MMP16: variants seen among roughly 807,000 people sequenced by gnomAD.
MMP16 encodes matrix metalloproteinase-16.
MMP16 carries 12 observed loss-of-function variants against 67.8 expected under a neutral mutation model. The observed-to-expected ratio is 0.18, with a 90% CI of 0.11 to 0.29. The LOEUF is 0.29. Ranked by LOEUF, MMP16 falls within the 10% of genes least tolerant of loss-of-function variation. MMP16 has a pLI of 1.00. For synonymous variants in MMP16, 249 were observed against 255.9 expected (o/e 0.97, Z 0.26); for missense variants, 475 against 765.7 (o/e 0.62, Z 4.48).
chr8:88,154,538 T>TAAA (rs1228904960), intron 4 of MMP16, among the ~76,000 whole-genome samples: 1 of 151,520 alleles, frequency 6.6e-6, no homozygotes, highest in African/African-American at 2.4e-5. Context: ...TATGCAGCCA[T>TAAA]AAAAAATGAT....
chr8:88,161,911 T>C (rs977713011), intron 4 of MMP16, among the ~76,000 whole-genome samples: 4 of 152,132 alleles, frequency 2.6e-5, no homozygotes, highest in African/African-American at 7.2e-5. Context: ...TGCGCTGTGG[T>C]CTGAGAGACA....
At chr8:88,116,779 T>C (rs533729609) in intron 5 of MMP16, 61 bp from the exon 6 acceptor site, 3 of 1,421,662 alleles carry the variant, frequency 2.1e-6, no homozygotes, top group South Asian at 2.4e-5. Context: ...CTGGAAAATA[T>C]GCTACAGAGA....
chr8:88,260,454 A>G (rs577469355), intron 1 of MMP16, among the ~76,000 whole-genome samples: 2 of 152,208 alleles, frequency 1.3e-5, no homozygotes, highest in African/African-American at 4.8e-5. Context: ...TCAATTATTG[A>G]AACTCTCTGA....
At chr8:88,310,770 C>G (rs1307112055) in intron 1 of MMP16, among the ~76,000 whole-genome samples, 2 of 151,984 alleles carry the variant, frequency 1.3e-5, no homozygotes, top group Non-Finnish European at 1.5e-5. Flanking sequence ...CGCCCATATG[C>G]CCCCAGGCAA....
chr8:88,154,952 T>G (rs967949125), intron 4 of MMP16, among the ~76,000 whole-genome samples: 1 of 152,072 alleles, frequency 6.6e-6, no homozygotes, highest in Non-Finnish European at 1.5e-5. Context: ...TATGGCAGTA[T>G]AGATCATTAA....
chr8:88,319,551 T>C (rs775523530), intron 1 of MMP16, among the ~76,000 whole-genome samples: 1 of 152,036 alleles, frequency 6.6e-6, no homozygotes, highest in Non-Finnish European at 1.5e-5. Context: ...TTCTAATTAT[T>C]ATAAACAATG....
rs1210339479 is a variant in MMP16, at chr8:88,327,210, G to C, written c.-4C>G. 1 of 1,613,842 alleles carries C rather than the reference G, an allele frequency of 6.2e-7. No homozygotes were observed. The highest frequency in any genetic ancestry group is 1.7e-5 in the Admixed American group (1 of 60,000). ...TGCTGAATGTGAGTAAGATCATAGT[G>C]AACTGTGCTTCAATGGATGGACGAG... is the stretch of plus-strand genomic sequence containing the variant. On this transcript the variant is annotated 5_prime_UTR_variant, in exon 1 of 10. Coordinates refer to ENST00000286614, the MANE Select transcript of MMP16 (RefSeq NM_005941.5).
intron 7 of MMP16, among the ~76,000 whole-genome samples, chr8:88,064,764 T>C (rs972237886): frequency 1.3e-5 from 2 of 152,140 alleles, no homozygotes; most frequent in African/African-American, 2.4e-5. Flanking sequence ...TGTTTATAGA[T>C]AGGTTGCTCA....
rs1488358962 is a variant in MMP16, at chr8:88,254,811, A to G, written c.133-57505T>C. Among the ~76,000 whole-genome samples, 4 of 152,108 alleles carry G rather than the reference A, an allele frequency of 2.6e-5. No homozygotes were observed. In the East Asian group the frequency reaches 7.7e-4, roughly 29 times the overall value. On this transcript the variant is annotated intron_variant, in intron 1 of 9. Transcript: ENST00000286614. ...CTGGAACAGAAAAAGGACATGAGATAAAAACTAAGGAAATTTTAATAAACT... is the reference window on the plus strand; with the variant it reads ...CTGGAACAGAAAAAGGACATGAGATGAAAACTAAGGAAATTTTAATAAACT...
At chr8:88,042,607 A>G (rs1481251425) in intron 9 of MMP16, among the ~76,000 whole-genome samples, 1 of 152,180 alleles carries the variant, frequency 6.6e-6, no homozygotes, top group African/African-American at 2.4e-5. Flanking sequence ...AATAAAATAC[A>G]ACATAAATCT....
At chr8:88,315,975 G>A (rs1052917586) in intron 1 of MMP16, among the ~76,000 whole-genome samples, 3 of 152,162 alleles carry the variant, frequency 2.0e-5, no homozygotes, top group African/African-American at 7.2e-5. Context: ...TACAGAACAA[G>A]TTTAAGTGGT....
At chr8:88,308,653 T>A (rs930921455) in intron 1 of MMP16, among the ~76,000 whole-genome samples, 5 of 152,076 alleles carry the variant, frequency 3.3e-5, no homozygotes, top group African/African-American at 1.2e-4. Context: ...ACTAAAAGTA[T>A]TTTCTGTATA....
At chr8:88,258,044 C>CTTT (rs71277990) in intron 1 of MMP16, among the ~76,000 whole-genome samples, 1 of 143,130 alleles carries the variant, frequency 7.0e-6, no homozygotes, top group Non-Finnish European at 1.5e-5. Flanking sequence ...GACTCTTTTT[C>CTTT]TTTTTTTTTT....
chr8:88,046,061 G>C (rs78681443), intron 9 of MMP16, among the ~76,000 whole-genome samples: 112 of 152,266 alleles, frequency 7.4e-4, no homozygotes, highest in African/African-American at 2.6e-3. Flanking sequence ...CCAACAGATA[G>C]GGGAGTATGG....
chr8:88,067,974 T>G (rs1808484502), intron 7 of MMP16, among the ~76,000 whole-genome samples: 1 of 152,132 alleles, frequency 6.6e-6, no homozygotes, highest in Non-Finnish European at 1.5e-5. Context: ...TGTATTTTAC[T>G]TTTAAAGAAA....
chr8:88,116,372 T>C, intron 6 of MMP16, 135 bp downstream of exon 6: 1 of 754,138 alleles, frequency 1.3e-6, no homozygotes, highest in East Asian at 2.7e-5. Flanking sequence ...CATTTATTTT[T>C]TAAAATGCTT....
rs913552629 is a variant in MMP16 at position 88,112,306 on chromosome 8, G to T, written c.1083+4201C>A. On this transcript the variant is annotated intron_variant, in intron 6 of 9. Transcript: ENST00000286614. Reference sequence around the variant, plus strand: ...ATTCATTCATACATAGTGAAATACTGTGTACTGAAATATGTTCTGTACAAC... The same window carrying T: ...ATTCATTCATACATAGTGAAATACTTTGTACTGAAATATGTTCTGTACAAC... 4.6e-5 allele frequency among the ~76,000 whole-genome samples: 7 copies of T among 150,902 alleles called. No homozygotes were observed. The Admixed American group carries it at 4.6e-4, about 10-fold the overall frequency.
chr8:88,281,365 A>C (rs541082657), intron 1 of MMP16, among the ~76,000 whole-genome samples: 11 of 152,344 alleles, frequency 7.2e-5, no homozygotes, highest in Non-Finnish European at 1.3e-4. Flanking sequence ...CCCAAGGGGA[A>C]GAAAGCATTC....
At chr8:88,198,513 C>T (rs140629796) in intron 1 of MMP16, among the ~76,000 whole-genome samples, 5 of 152,208 alleles carry the variant, frequency 3.3e-5, no homozygotes, top group Admixed American at 3.3e-4. Flanking sequence ...CCTTTATGAA[C>T]TTCAACGTCT....
Sources: gnomAD v4.1 joint callset for allele counts (sites outside exome capture counted in the v4.1 genomes callset) on GRCh38, gnomAD v4.1.1 for gene constraint, MANE v1.5 for transcripts, NCBI Gene and HGNC (gene_info 2026-07-23, HGNC 2026-07-21) for gene names.